The following DSG2 variants were observed in gnomAD, a reference collection of about 807,000 sequenced individuals.
DSG2 encodes the protein desmoglein-2.
DSG2 carries 45 observed loss-of-function variants against 75.6 expected under a neutral mutation model. The ratio of observed to expected loss-of-function variants is 0.60; its 90% CI spans 0.47 to 0.76. The LOEUF is 0.76. Among genes scored for constraint, DSG2 ranks in the 30% least tolerant of loss-of-function variants. DSG2 has a pLI of 0.00. For synonymous variants in DSG2, 429 were observed against 483.9 expected (o/e 0.89, Z 1.49); for missense variants, 1,267 against 1,357.4 (o/e 0.93, Z 1.05).
At chr18:31,505,629 A>G (rs1319713098) in intron 1 of DSG2, among the ~76,000 whole-genome samples, 1 of 151,396 alleles carries the variant, frequency 6.6e-6, no homozygotes, top group African/African-American at 2.4e-5. Context: ...TTTAATGCCC[A>G]GATAGGTTAA....
intron 1 of DSG2, among the ~76,000 whole-genome samples, chr18:31,503,549 G>T (rs540968563): frequency 4.6e-5 from 7 of 152,316 alleles, no homozygotes; most frequent in Admixed American, 4.6e-4. Context: ...TACTTGCCAA[G>T]GAAGTGTTTT....
rs774495857 is a variant in DSG2, at chr18:31,536,282, C to T, written c.1504C>T (p.Pro502Ser). ...INDNCPTLIE[P>S]VQTICHDAEY... is the part of the protein sequence containing the mutation. ...CGACAACTGTCCCACACTGATAGAG[C>T]CTGTGCAGACAATCTGTCACGATGC... The change falls in exon 11 of 15, where the codon CCT becomes TCT. Residue 502 changes from proline to serine, a missense_variant. Coordinates refer to ENST00000261590, the MANE Select transcript of DSG2 (RefSeq NM_001943.5). The T allele has an allele frequency of 5.0e-6, 8 of 1,614,024 alleles. 1 individual carries two copies. The South Asian group carries it at 8.8e-5, about 18-fold the overall frequency.
At position 31,514,259 on chromosome 18, in the gene DSG2, A is replaced by G. The variant is rs544095362; in HGVS notation, c.46-3980A>G. Among the ~76,000 whole-genome samples, 24 of 152,360 alleles carry G rather than the reference A, an allele frequency of 1.6e-4. No individual in the cohort carries two copies. In the South Asian group the frequency reaches 1.7e-3, roughly 11 times the overall value. On this transcript the variant is annotated intron_variant, in intron 1 of 14. Transcript: ENST00000261590. ...ATTGGAGAAAGGAACTGCTGGTACT[A>G]TCTTTGCAACATTTCTGTAAATCTA...
chr18:31,527,648 A>G (rs778554938), intron 8 of DSG2, among the ~76,000 whole-genome samples: 4 of 152,246 alleles, frequency 2.6e-5, no homozygotes, highest in Non-Finnish European at 5.9e-5. Context: ...TGCCAACATC[A>G]TTACTCATTA....
At chr18:31,543,006 A>G (rs1475692847) in intron 14 of DSG2, 154 bp downstream of exon 14, 1 of 631,722 alleles carries the variant, frequency 1.6e-6, no homozygotes, top group East Asian at 2.9e-5. Context: ...GGCAATAAGG[A>G]AAGAGAAATG....
intron 1 of DSG2, among the ~76,000 whole-genome samples, chr18:31,505,274 A>G (rs1246349534): frequency 6.6e-6 from 1 of 152,156 alleles, no homozygotes; most frequent in African/African-American, 2.4e-5. Context: ...TTCCTCCTGT[A>G]TGCACAGAAA....
chr18:31,541,150 A>G, intron 12 of DSG2, 43 bp from the exon 13 acceptor site: 1 of 1,613,742 alleles, frequency 6.2e-7, no homozygotes, highest in Non-Finnish European at 8.5e-7. Context: ...TTAGAAATAT[A>G]TCAAGGTTAA....
chr18:31,532,932 TTTG>T (rs1468053097), intron 9 of DSG2, among the ~76,000 whole-genome samples: 2 of 145,162 alleles, frequency 1.4e-5, no homozygotes, highest in Admixed American at 1.4e-4. Flanking sequence ...TGTTTGTTTG[TTTG>T]TTTAGGGGCC....
chr18:31,536,860 G>A (rs2073234223), intron 11 of DSG2, among the ~76,000 whole-genome samples: 1 of 152,216 alleles, frequency 6.6e-6, no homozygotes, highest in Non-Finnish European at 1.5e-5. Context: ...ATTATTCCCT[G>A]ATTAAAGCTG....
chr18:31,519,719 A>G lies in DSG2; in HGVS notation c.82-84A>G, dbSNP rs900752316. On this transcript the variant is annotated intron_variant, in intron 2 of 14. Transcript: ENST00000261590. ...CATACCTTAAAATTTGCACTATTTA[A>G]AAGTTTATTATGTTATAGGACAGCA... 3 of 1,471,090 alleles carry G rather than the reference A, an allele frequency of 2.0e-6. No homozygotes were observed. In the East Asian group the frequency reaches 7.0e-5, roughly 34 times the overall value. 91.1% of individuals were successfully genotyped at this position (1,471,090 alleles called of 1,614,324 possible). A position where few individuals can be genotyped will look rare whatever the true frequency, so the allele number is the denominator to read the frequency against.
At chr18:31,498,426 C>G (rs1456011838) in intron 1 of DSG2, 130 bp downstream of exon 1, 12 of 1,037,924 alleles carry the variant, frequency 1.2e-5, no homozygotes, top group South Asian at 4.8e-5. Flanking sequence ...TCCTGCTGCC[C>G]GAGGGGGGAA....
Position 31,546,478 on chromosome 18 carries a change from C to CT in DSG2, c.3093dup (p.Thr1032TyrfsTer6). On this transcript the variant is annotated frameshift_variant, in exon 15 of 15. Transcript: ENST00000261590. LOFTEE classifies it low-confidence loss of function (END_TRUNC). ...CTTGCCCCCAGCTCAGGTGTGCAGC[C>CT]TACTCTGGCCATGCCTAATATAGCA... is the stretch of plus-strand genomic sequence containing the variant. 6.2e-7 allele frequency: 1 copy of CT among 1,614,194 alleles called. No individual in the cohort carries two copies. The highest frequency in any genetic ancestry group is 1.1e-5 in the South Asian group (1 of 91,084).
intron 1 of DSG2, among the ~76,000 whole-genome samples, chr18:31,507,178 T>C (rs1383782951): frequency 6.6e-6 from 1 of 152,170 alleles, no homozygotes; most frequent in African/African-American, 2.4e-5. Flanking sequence ...ACATGTGGTG[T>C]TTGGTTTTCT....
intron 1 of DSG2, among the ~76,000 whole-genome samples, chr18:31,507,175 G>T (rs1229391509): frequency 1.3e-5 from 2 of 152,236 alleles, no homozygotes; most frequent in East Asian, 3.9e-4. Flanking sequence ...AGAACATGTG[G>T]TGTTTGGTTT....
chr18:31,524,406 T>C (rs747331887), intron 6 of DSG2, 42 bp from the exon 7 acceptor site: 1 of 1,613,732 alleles, frequency 6.2e-7, no homozygotes, highest in Non-Finnish European at 8.5e-7. Flanking sequence ...GATGTAAGAG[T>C]GACTCTTTTC....
Position 31,546,944 on chromosome 18 carries a change from C to T in DSG2, c.*201C>T, listed in dbSNP as rs1360448096. The T allele has an allele frequency of 1.5e-6, 1 of 666,246 alleles. No individual in the cohort carries two copies. Among genetic ancestry groups the T allele is most frequent in the Non-Finnish European group, 2.7e-6 (1 of 374,422 alleles). 41.3% of individuals were successfully genotyped at this position (666,246 alleles called of 1,614,324 possible). A position where few individuals can be genotyped will look rare whatever the true frequency, so the allele number is the denominator to read the frequency against. On this transcript the variant is annotated 3_prime_UTR_variant, in exon 15 of 15. Coordinates refer to ENST00000261590, the MANE Select transcript of DSG2 (RefSeq NM_001943.5). The stretch of plus-strand genomic sequence containing the variant: ...TATTTTAGAAATGTTCCACAATTTA[C>T]TGAAGACATAGAGATGATGCTGCTG...
intron 1 of DSG2, among the ~76,000 whole-genome samples, chr18:31,499,752 A>G (rs550754020): frequency 2.0e-4 from 31 of 152,282 alleles, no homozygotes; most frequent in Non-Finnish European, 3.8e-4. Context: ...TCTTCAAATA[A>G]TGTAGCAATC....
At chr18:31,508,731 T>A (rs903050927) in intron 1 of DSG2, among the ~76,000 whole-genome samples, 8 of 152,116 alleles carry the variant, frequency 5.3e-5, no homozygotes, top group Non-Finnish European at 1.2e-4. Flanking sequence ...TTAGAACACA[T>A]CTTTTCACAC....
intron 1 of DSG2, among the ~76,000 whole-genome samples, chr18:31,508,292 A>G (rs1009625695): frequency 5.3e-5 from 8 of 152,180 alleles, no homozygotes; most frequent in Non-Finnish European, 8.8e-5. Flanking sequence ...TAGTTGATGA[A>G]TACTTGTAAA....
Sources: allele counts gnomAD v4.1 joint callset (sites outside exome capture counted in the v4.1 genomes callset), GRCh38; gene constraint gnomAD v4.1.1; transcripts MANE v1.5; gene names NCBI Gene and HGNC (gene_info 2026-07-23, HGNC 2026-07-21).